WDR19: variants seen among roughly 807,000 people sequenced by gnomAD.
WDR19 encodes WD repeat-containing protein 19.
Under a neutral mutation model 180.0 loss-of-function variants are expected in WDR19, and 121 were observed. The observed-to-expected ratio is 0.67, with a 90% CI of 0.58 to 0.78. The LOEUF is 0.78. WDR19 is among the 30% of genes least tolerant of loss of function. WDR19 has a pLI of 0.00. For synonymous variants in WDR19, 497 were observed against 540.7 expected, an observed-to-expected ratio of 0.92 and a Z score of 1.12; for missense variants, 1,450 against 1,640.7, an observed-to-expected ratio of 0.88 and a Z score of 2.01.
In WDR19 at chr4:39,228,331, A is replaced by T. The variant is rs1730491043; in HGVS notation, c.1751A>T (p.Tyr584Phe). The T allele has an allele frequency of 6.2e-7, 1 of 1,611,462 alleles. No individual in the cohort carries two copies. Among genetic ancestry groups the T allele is most frequent in the African/African-American group, 1.3e-5 (1 of 74,904 alleles). ...IAYDDDKVYT[Y>F]VFHKDTIQGA... ...TATGATGATGATAAGGTGTACACTT[A>T]TGTCTTTCACAAGGACACTATACAA... is the stretch of plus-strand genomic sequence containing the variant. Residue 584 changes from tyrosine (Y) to phenylalanine (F), a missense_variant, in exon 16 of 37, where the codon TAT (tyrosine) becomes TTT (phenylalanine). By Grantham distance (22) the Tyr-to-Phe change is conservative. Coordinates refer to ENST00000399820, the MANE Select transcript of WDR19 (RefSeq NM_025132.4).
At chr4:39,242,064 T>C (rs1210848920) in intron 21 of WDR19, among the ~76,000 whole-genome samples, 2 of 151,742 alleles carry the variant, frequency 1.3e-5, no homozygotes, top group African/African-American at 4.8e-5. Flanking sequence ...CATATGAATC[T>C]GTCTTAATCT....
chr4:39,224,583 ATTGGCCAGGCTGGTCTC>A (rs1560510479), intron 14 of WDR19, among the ~76,000 whole-genome samples: 1 of 151,748 alleles, frequency 6.6e-6, no homozygotes, highest in African/African-American at 2.4e-5. Flanking sequence ...GTTTCACCAT[ATTGGCCAGGCTGGTCTC>A]TTGGCCAGGC....
chr4:39,279,640 C>G (rs1736256380), intron 36 of WDR19, among the ~76,000 whole-genome samples: 1 of 151,926 alleles, frequency 6.6e-6, no homozygotes, highest in African/African-American at 2.4e-5. Context: ...TTCCCACCAT[C>G]AGCACACAAG....
chr4:39,264,034 A>G (rs1326427147), intron 28 of WDR19, among the ~76,000 whole-genome samples: 1 of 151,952 alleles, frequency 6.6e-6, no homozygotes, highest in Non-Finnish European at 1.5e-5. Context: ...TGAAATTTAA[A>G]TTTAACTGGG....
Position 39,267,994 on chromosome 4 carries a change from G to A in WDR19, c.3262-1G>A. The A allele has an allele frequency of 6.3e-7, 1 of 1,598,662 alleles. No homozygotes were observed. Among genetic ancestry groups the A allele is most frequent in the Non-Finnish European group, 8.5e-7 (1 of 1,172,198 alleles). On this transcript the variant is annotated splice_acceptor_variant, in intron 29 of 36. Coordinates refer to ENST00000399820, the MANE Select transcript of WDR19 (RefSeq NM_025132.4). LOFTEE classifies it high-confidence loss of function. Reference sequence around the variant, plus strand: ...TGTTTCTATAATGGTTTATGTGTCAGGATGCCAAGTACCTGTTCCGCTTGT... The same window carrying A: ...TGTTTCTATAATGGTTTATGTGTCAAGATGCCAAGTACCTGTTCCGCTTGT...
At chr4:39,236,910 G>A (rs1731443674) in intron 20 of WDR19, among the ~76,000 whole-genome samples, 2 of 152,112 alleles carry the variant, frequency 1.3e-5, no homozygotes. Context: ...TTGCATCGAA[G>A]TGTAATTTTA....
chr4:39,228,802 G>T (rs879195876), intron 17 of WDR19, 112 bp downstream of exon 17: 2 of 1,210,110 alleles, frequency 1.7e-6, no homozygotes, highest in South Asian at 2.1e-5. Flanking sequence ...ATCCTTGCAA[G>T]AATTTTTTTT....
chr4:39,275,760 GGAGAGAA>G (rs1409882050), intron 33 of WDR19, among the ~76,000 whole-genome samples: 4 of 152,208 alleles, frequency 2.6e-5, no homozygotes, highest in African/African-American at 4.8e-5. Context: ...GCAAGGAGAT[GGAGAGAA>G]GCAGCGAACT....
chr4:39,259,297 A>G (rs946116503), intron 28 of WDR19, among the ~76,000 whole-genome samples: 4 of 152,172 alleles, frequency 2.6e-5, no homozygotes, highest in Non-Finnish European at 4.4e-5. Context: ...CCACCACAGA[A>G]TTGCCACAGA....
At chr4:39,212,039 A>G in intron 9 of WDR19, among the ~76,000 whole-genome samples, 1 of 152,200 alleles carries the variant, frequency 6.6e-6, no homozygotes, top group East Asian at 1.9e-4. Flanking sequence ...CAATCTTAAA[A>G]AAGAACAATA....
chr4:39,255,501 C>G (rs181460736), intron 26 of WDR19, among the ~76,000 whole-genome samples: 2 of 152,322 alleles, frequency 1.3e-5, no homozygotes, highest in Non-Finnish European at 2.9e-5. Flanking sequence ...TAACCAGCAT[C>G]TACTGGCTAC....
intron 7 of WDR19, among the ~76,000 whole-genome samples, chr4:39,204,186 AGCGATTCTCCTGCCTCAGCCTCCCT>A (rs1727687934): frequency 6.6e-6 from 1 of 151,876 alleles, no homozygotes. Context: ...CCTAGGTTCA[AGCGATTCTCCTGCCTCAGCCTCCCT>A]AGTAGCTGTG....
intron 9 of WDR19, among the ~76,000 whole-genome samples, chr4:39,211,959 GAGAGAGAGAGAGAGAGAGAGAGAGA>G: frequency 6.8e-6 from 1 of 146,570 alleles, no homozygotes. Flanking sequence ...GAGAGAGAGA[GAGAGAGAGAGAGAGAGAGAGAGAGA>G]GATAGATAGA....
intron 28 of WDR19, among the ~76,000 whole-genome samples, chr4:39,261,351 C>G (rs890803647): frequency 1.3e-5 from 2 of 152,108 alleles, no homozygotes; most frequent in African/African-American, 4.8e-5. Context: ...TCAGCCTGAT[C>G]AATCTATGAT....
chr4:39,216,176 T>C lies in WDR19; in HGVS notation c.1215T>C (p.Asn405=). 6.3e-7 allele frequency: 1 copy of C among 1,583,560 alleles called. No homozygotes were observed. The highest frequency in any genetic ancestry group is 8.6e-7 in the Non-Finnish European group (1 of 1,164,846). ...VGLYHLAVGM[N]NRAWFYVLGE... ...TTTATCATCTGGCTGTAGGAATGAA[T>C]AATCGAGCTTGGTTTTATGTCCTTG... The change falls in exon 12 of 37, where the codon AAT becomes AAC. Residue 405 remains asparagine (N), a synonymous_variant. Transcript: ENST00000399820.
chr4:39,280,397 G>A (rs1458818965), intron 36 of WDR19, among the ~76,000 whole-genome samples: 2 of 152,120 alleles, frequency 1.3e-5, no homozygotes, highest in African/African-American at 4.8e-5. Context: ...AATGGTGCAT[G>A]CTTATAATCC....
chr4:39,276,921 T>C (rs960061688), intron 33 of WDR19, 99 bp from the exon 34 acceptor site: 2 of 1,428,882 alleles, frequency 1.4e-6, no homozygotes, highest in Non-Finnish European at 1.9e-6. Flanking sequence ...ATGAAGTAGG[T>C]GTGTCATATG....
At chr4:39,277,264 A>C in intron 34 of WDR19, 121 bp downstream of exon 34, 1 of 1,106,326 alleles carries the variant, frequency 9.0e-7, no homozygotes, top group Non-Finnish European at 1.2e-6. Flanking sequence ...AATTTCCTGC[A>C]ACATCTAGCA....
chr4:39,240,305 T>C lies in WDR19; in HGVS notation c.2392T>C (p.Tyr798His), dbSNP rs761816896. ...TGATTATGTAAATGCTTTGGCTCAT[T>C]ATGAGAAAGGAATAACAGGTGATAA... is the stretch of plus-strand genomic sequence containing the variant. ...AGDYVNALAH[Y>H]EKGITGDNKE... Residue 798 changes from tyrosine to histidine, a missense_variant, in exon 21 of 37, where the codon TAT becomes CAT. Tyr to His is a moderately conservative substitution (Grantham distance 83). Transcript: ENST00000399820. The C allele has an allele frequency of 2.1e-6, 3 of 1,438,692 alleles. No individual in the cohort carries two copies. In the South Asian group the frequency reaches 5.0e-5, roughly 24 times the overall value. 89.1% of individuals were successfully genotyped at this position (1,438,692 alleles called of 1,614,324 possible).
Sources: allele counts gnomAD v4.1 joint callset (sites outside exome capture counted in the v4.1 genomes callset), GRCh38; gene constraint gnomAD v4.1.1; transcripts MANE v1.5; gene names NCBI Gene and HGNC (gene_info 2026-07-23, HGNC 2026-07-21).